CCDC175: variants seen among roughly 807,000 people sequenced by gnomAD.
CCDC175 encodes coiled-coil domain containing 175.
CCDC175 carries 100 observed loss-of-function variants against 114.6 expected under a neutral mutation model. The ratio of observed to expected loss-of-function variants is 0.87; its 90% CI spans 0.74 to 1.03. CCDC175 has a LOEUF of 1.03. CCDC175 is among the 50% of genes least tolerant of loss of function. The pLI is 0.00. For synonymous variants in CCDC175, 306 were observed against 308.7 expected (o/e 0.99, Z 0.09); for missense variants, 880 against 917.8 (o/e 0.96, Z 0.53).
intron 8 of CCDC175, 65 bp from the exon 9 acceptor site, chr14:59,545,364 T>G (rs1895040387): frequency 2.1e-6 from 3 of 1,455,018 alleles, no homozygotes; most frequent in Non-Finnish European, 2.8e-6. Context: ...GCCATCTGCA[T>G]CAGGTGGCAA....
chr14:59,525,342 T>A lies in CCDC175; in HGVS notation c.1935A>T (p.Gly645=), dbSNP rs1355339069. The change falls in exon 16 of 20, where the codon GGA becomes GGT. Residue 645 remains glycine (G), a synonymous_variant. Transcript: ENST00000537690. ...CTGCTTTTTGGTCATTTATATAGAA[T>A]CCATTTTCTAAGTTCTTTAGAGTTT... is the stretch of plus-strand genomic sequence containing the variant. ...HFETLKNLEN[G]FYINDQKADL... The A allele has an allele frequency of 6.6e-7, 1 of 1,506,312 alleles. No individual in the cohort carries two copies. Among genetic ancestry groups the A allele is most frequent in the Non-Finnish European group, 8.8e-7 (1 of 1,135,954 alleles). 93.3% of individuals were successfully genotyped at this position (1,506,312 alleles called of 1,614,324 possible). A position where few individuals can be genotyped will look rare whatever the true frequency, so the allele number is the denominator to read the frequency against.
chr14:59,560,149 T>C (rs1896143658), intron 7 of CCDC175, among the ~76,000 whole-genome samples: 1 of 152,122 alleles, frequency 6.6e-6, no homozygotes, highest in Admixed American at 6.6e-5. Context: ...ATAAAGATTA[T>C]TGCCTATTTT....
chr14:59,520,768 C>G (rs990024703), intron 17 of CCDC175, among the ~76,000 whole-genome samples: 2 of 152,134 alleles, frequency 1.3e-5, no homozygotes, highest in Non-Finnish European at 2.9e-5. Context: ...TGCACCCTGT[C>G]ATTTCATTTA....
chr14:59,548,443 G>T (rs549551988), intron 8 of CCDC175, among the ~76,000 whole-genome samples: 1 of 152,254 alleles, frequency 6.6e-6, no homozygotes, highest in African/African-American at 2.4e-5. Context: ...ATAAGCAAGA[G>T]CCTTGCATTC....
chr14:59,553,223 G>A (rs11158260), intron 7 of CCDC175, among the ~76,000 whole-genome samples: 80,002 of 151,930 alleles, frequency 0.53, 22,060 homozygotes, highest in East Asian at 0.82. Flanking sequence ...AGAAAGGTTG[G>A]GTTACCCACA....
chr14:59,510,925 CATAAAA>C, intron 18 of CCDC175, 117 bp from the exon 19 acceptor site: 1 of 910,148 alleles, frequency 1.1e-6, no homozygotes, highest in Non-Finnish European at 1.6e-6. Context: ...TGGTATCAGT[CATAAAA>C]ATAAGTGCTT....
intron 17 of CCDC175, among the ~76,000 whole-genome samples, chr14:59,514,662 T>C (rs1892962061): frequency 6.6e-6 from 1 of 152,104 alleles, no homozygotes. Flanking sequence ...AATATGGGAG[T>C]ATGTGAAAAG....
At position 59,511,786 on chromosome 14, in the gene CCDC175, A is replaced by C; in HGVS notation, c.2116T>G (p.Trp706Gly). 6.5e-7 allele frequency: 1 copy of C among 1,535,814 alleles called. No individual in the cohort carries two copies. The highest frequency in any genetic ancestry group is 1.2e-5 in the South Asian group (1 of 84,020). The change falls in exon 18 of 20, where the codon TGG becomes GGG. Residue 706 changes from tryptophan to glycine, a missense_variant. Coordinates refer to ENST00000537690, the MANE Select transcript of CCDC175 (RefSeq NM_001164399.2). The part of the protein sequence containing the change: ...IAQEAQYKDL[W>G]AEFQTTVKIL... ...TTAACTGTGGTCTGAAATTCAGCCCACAAATCCTTATATTGTGCTAAAATA... is the reference window on the plus strand; with the variant it reads ...TTAACTGTGGTCTGAAATTCAGCCCCCAAATCCTTATATTGTGCTAAAATA...
At chr14:59,512,030 C>A (rs1231411294) in intron 17 of CCDC175, among the ~76,000 whole-genome samples, 1 of 152,024 alleles carries the variant, frequency 6.6e-6, no homozygotes, top group Non-Finnish European at 1.5e-5. Context: ...AATGGGCAGC[C>A]CAGGACTGTG....
intron 14 of CCDC175, among the ~76,000 whole-genome samples, chr14:59,528,081 A>G (rs74315762): frequency 6.6e-6 from 1 of 152,092 alleles, no homozygotes. Context: ...GAGATCTTGT[A>G]TATCTCAATA....
rs192755367 is a variant in CCDC175 at position 59,513,963 on chromosome 14, C to T, written c.2099-2160G>A. On this transcript the variant is annotated intron_variant, in intron 17 of 19. Coordinates refer to ENST00000537690, the MANE Select transcript of CCDC175 (RefSeq NM_001164399.2). ...CACATGGCCGGGTACTCCTCTGAGACAAAACTTCCAGAGGCATGATCAGGC... is the reference window on the plus strand; with the variant it reads ...CACATGGCCGGGTACTCCTCTGAGATAAAACTTCCAGAGGCATGATCAGGC... Among the ~76,000 whole-genome samples the T allele has an allele frequency of 2.2e-3, 328 of 152,242 alleles. 7 individuals are homozygous for T. The East Asian group carries it at 0.03, about 14-fold the overall frequency.
At chr14:59,551,106 C>G (rs1345742740) in intron 8 of CCDC175, 2 of 299,968 alleles carry the variant, frequency 6.7e-6, no homozygotes, top group Non-Finnish European at 1.2e-5. Context: ...CATGGATAGT[C>G]CTAAGGTACC....
chr14:59,573,681 C>T (rs1167990489), intron 2 of CCDC175, among the ~76,000 whole-genome samples: 1 of 149,166 alleles, frequency 6.7e-6, no homozygotes, highest in African/African-American at 2.5e-5. Context: ...GTGGGTCAAT[C>T]TCAGCTCACT....
intron 3 of CCDC175, 68 bp from the exon 4 acceptor site, chr14:59,568,448 C>T (rs190451979): frequency 3.0e-4 from 359 of 1,200,918 alleles, no homozygotes; most frequent in Admixed American, 1.8e-3. Flanking sequence ...CTGACTTTCA[C>T]GCAAAAAAGC....
intron 18 of CCDC175, among the ~76,000 whole-genome samples, chr14:59,511,536 A>G (rs1892742184): frequency 9.0e-6 from 1 of 111,628 alleles, no homozygotes; most frequent in African/African-American, 3.7e-5. Context: ...AAGATTTCAT[A>G]GTGATATTTG....
intron 16 of CCDC175, among the ~76,000 whole-genome samples, chr14:59,522,793 G>A (rs1467527332): frequency 6.6e-6 from 1 of 152,170 alleles, no homozygotes; most frequent in Non-Finnish European, 1.5e-5. Context: ...CCTTGCTCTG[G>A]GGCACTGTAT....
chr14:59,538,208 A>G (rs1894530216), intron 12 of CCDC175, 54 bp from the exon 13 acceptor site: 2 of 1,409,778 alleles, frequency 1.4e-6, no homozygotes, highest in Admixed American at 2.8e-5. Flanking sequence ...TCAGCCTTAC[A>G]TTTTCGAATA....
intron 11 of CCDC175, 32 bp downstream of exon 11, chr14:59,540,643 A>G (rs1220878012): frequency 6.7e-7 from 1 of 1,485,494 alleles, no homozygotes; most frequent in Non-Finnish European, 9.0e-7. Context: ...CAAAACACAA[A>G]TAAACTTTTT....
chr14:59,511,314 T>G (rs1278517842), intron 18 of CCDC175, among the ~76,000 whole-genome samples: 2 of 152,054 alleles, frequency 1.3e-5, no homozygotes, highest in African/African-American at 4.8e-5. Flanking sequence ...TTTAAATACT[T>G]AGAAAGTGGC....
Sources: allele counts gnomAD v4.1 joint callset (sites outside exome capture counted in the v4.1 genomes callset), GRCh38; gene constraint gnomAD v4.1.1; transcripts MANE v1.5; gene names NCBI Gene and HGNC (gene_info 2026-07-23, HGNC 2026-07-21).